ARMC8: variants seen among roughly 807,000 people sequenced by gnomAD.
ARMC8 encodes armadillo repeat containing 8.
In ARMC8, 20 loss-of-function variants were observed where a neutral mutation model predicts 99.3. That is an observed-to-expected ratio of 0.20 (90% CI 0.14 to 0.29). The LOEUF is 0.29. Among genes scored for constraint, ARMC8 ranks in the 10% least tolerant of loss-of-function variants. The pLI is 1.00. For synonymous variants in ARMC8, 263 were observed against 278.3 expected (o/e 0.95, Z 0.55); for missense variants, 569 against 809.5 (o/e 0.70, Z 3.60).
chr3:138,198,509 T>C (rs1200079412), intron 1 of ARMC8, among the ~76,000 whole-genome samples: 1 of 150,266 alleles, frequency 6.7e-6, no homozygotes, highest in Non-Finnish European at 1.5e-5. Flanking sequence ...ATTATTATTA[T>C]TATTATTATT....
chr3:138,230,228 T>G (rs1325680036), intron 6 of ARMC8, among the ~76,000 whole-genome samples: 1 of 152,196 alleles, frequency 6.6e-6, no homozygotes, highest in African/African-American at 2.4e-5. Context: ...AAATGACAGT[T>G]TTGTTGCAAC....
At chr3:138,246,863 A>G in intron 12 of ARMC8, 1 of 927,350 alleles carries the variant, frequency 1.1e-6, no homozygotes, top group Non-Finnish European at 1.3e-6. Context: ...ATGACAAATA[A>G]AGAAAAAGTT....
At chr3:138,195,833 CT>C (rs2107965476) in intron 1 of ARMC8, among the ~76,000 whole-genome samples, 1 of 151,436 alleles carries the variant, frequency 6.6e-6, no homozygotes, top group Admixed American at 6.6e-5. Flanking sequence ...AAATAGCCCC[CT>C]GCCCCACCAC....
At chr3:138,252,136 A>T (rs756710768) in intron 12 of ARMC8, among the ~76,000 whole-genome samples, 1 of 152,342 alleles carries the variant, frequency 6.6e-6, no homozygotes, top group East Asian at 1.9e-4. Context: ...ACCTGTGGGT[A>T]CTGTTACCTA....
intron 21 of ARMC8, 77 bp downstream of exon 21, chr3:138,290,716 T>C: frequency 4.4e-6 from 4 of 902,398 alleles, no homozygotes; most frequent in Non-Finnish European, 6.9e-6. Context: ...TGCTTGGTAA[T>C]TAATGGCCAT....
chr3:138,249,255 A>G, intron 12 of ARMC8, among the ~76,000 whole-genome samples: 1 of 152,116 alleles, frequency 6.6e-6, no homozygotes, highest in East Asian at 1.9e-4. Context: ...TAAAGACAGG[A>G]AATTTGAAAT....
intron 12 of ARMC8, among the ~76,000 whole-genome samples, chr3:138,247,511 T>C (rs554473434): frequency 9.2e-4 from 140 of 152,326 alleles, no homozygotes; most frequent in Non-Finnish European, 1.5e-3. Flanking sequence ...GTTCAGTTGG[T>C]CTGCCATTTA....
chr3:138,274,977 T>C (rs963851804), intron 18 of ARMC8, among the ~76,000 whole-genome samples: 1 of 152,220 alleles, frequency 6.6e-6, no homozygotes, highest in Non-Finnish European at 1.5e-5. Flanking sequence ...ATTTCTTTTC[T>C]CTTAGGCATC....
chr3:138,213,214 T>C (rs1001658132), intron 2 of ARMC8, among the ~76,000 whole-genome samples: 1 of 152,226 alleles, frequency 6.6e-6, no homozygotes, highest in Non-Finnish European at 1.5e-5. Context: ...ACTAGCTGAG[T>C]TAGAGCTATA....
At chr3:138,224,160 A>G (rs1172257910) in intron 5 of ARMC8, among the ~76,000 whole-genome samples, 1 of 151,066 alleles carries the variant, frequency 6.6e-6, no homozygotes, top group Admixed American at 6.6e-5. Context: ...GGGTTTCACC[A>G]TCTTGGCCAG....
At chr3:138,211,361 G>T (rs928221508) in intron 2 of ARMC8, among the ~76,000 whole-genome samples, 2 of 152,182 alleles carry the variant, frequency 1.3e-5, no homozygotes, top group Admixed American at 6.5e-5. Context: ...AAGCTGTTTA[G>T]TAATCAAGAA....
intron 2 of ARMC8, among the ~76,000 whole-genome samples, chr3:138,219,875 C>T (rs924400282): frequency 1.3e-5 from 2 of 151,958 alleles, no homozygotes; most frequent in African/African-American, 4.8e-5. Flanking sequence ...TTTGTTTGCT[C>T]TTGTCTGTAA....
rs372624345 is a variant in ARMC8 at position 138,274,468 on chromosome 3, G to A, written c.1649G>A (p.Ser550Asn). ...STRPHIDKIM[S>N]THGKQIMQAV... ...TTACAGCATATAGATAAAATAATGA[G>A]TACTCATGGAAAGCAAATTATGCAA... Residue 550 changes from serine (S) to asparagine (N), a missense_variant, in exon 18 of 22, where the codon AGT (serine) becomes AAT (asparagine). Physicochemically the swap from Ser to Asn is conservative, Grantham distance 46. Around this residue, in one of 2 missense-constraint regions of ARMC8, gnomAD observed 227 missense variants for 417.9 expected, o/e 0.54. Transcript: ENST00000469044. The A allele has an allele frequency of 3.4e-5, 54 of 1,606,000 alleles. No homozygotes were observed. Among genetic ancestry groups the A allele is most frequent in the Non-Finnish European group, 4.4e-5 (52 of 1,173,060 alleles).
intron 14 of ARMC8, among the ~76,000 whole-genome samples, chr3:138,265,412 CAACTT>C (rs889987489): frequency 6.6e-6 from 1 of 152,068 alleles, no homozygotes; most frequent in African/African-American, 2.4e-5. Flanking sequence ...TGCATTTAGT[CAACTT>C]AATTTTTTAG....
At position 138,237,584 on chromosome 3, in the gene ARMC8, G is replaced by A. The variant is rs184380560; in HGVS notation, c.776+12G>A. Reference sequence around the variant, plus strand: ...ACATCAGCAAAATGGTAAAAGTCAGGACAATGTGGGAAGAAAGACAGTGCT... The same window carrying A: ...ACATCAGCAAAATGGTAAAAGTCAGAACAATGTGGGAAGAAAGACAGTGCT... On this transcript the variant is annotated intron_variant, in intron 9 of 21. Transcript: ENST00000469044. 1.1e-4 allele frequency: 176 copies of A among 1,605,160 alleles called. 1 individual carries two copies. In the African/African-American group the frequency reaches 2.0e-3, roughly 19 times the overall value.
At position 138,222,040 on chromosome 3, in the gene ARMC8, T is replaced by G. The variant is rs757990488; in HGVS notation, c.194+43T>G. ...CCCCTTTCTTGCCATTCATACTAGT[T>G]TCTAATGTATTTCTTACTCTCAATT... is the stretch of plus-strand genomic sequence containing the variant. On this transcript the variant is annotated intron_variant, in intron 3 of 21. Coordinates refer to ENST00000469044, the MANE Select transcript of ARMC8 (RefSeq NM_001363941.2). 14 of 1,456,298 alleles carry G rather than the reference T, an allele frequency of 9.6e-6. No homozygotes were observed. In the South Asian group the frequency reaches 1.5e-4, roughly 16 times the overall value. The allele number at this position is 1,456,298 out of a possible 1,614,324, so 90.2% of individuals were successfully genotyped here. A position where few individuals can be genotyped will look rare whatever the true frequency, so the allele number is the denominator to read the frequency against.
chr3:138,196,866 T>A (rs747536333), intron 1 of ARMC8, among the ~76,000 whole-genome samples: 2 of 152,148 alleles, frequency 1.3e-5, no homozygotes, highest in Non-Finnish European at 2.9e-5. Context: ...AAACTCCGTC[T>A]CAAAAAAAAT....
At chr3:138,191,813 T>TCC (rs1260656619) in intron 1 of ARMC8, among the ~76,000 whole-genome samples, 2 of 152,370 alleles carry the variant, frequency 1.3e-5, no homozygotes, top group African/African-American at 4.8e-5. Flanking sequence ...TTGAGATCTA[T>TCC]CCATATTGTT....
intron 5 of ARMC8, among the ~76,000 whole-genome samples, chr3:138,224,664 T>C (rs2045589279): frequency 6.6e-6 from 1 of 152,102 alleles, no homozygotes; most frequent in Non-Finnish European, 1.5e-5. Flanking sequence ...GCCATGAAAA[T>C]CACTTGAACC....
Sources: allele counts gnomAD v4.1 joint callset (sites outside exome capture counted in the v4.1 genomes callset), GRCh38; gene constraint gnomAD v4.1.1; regional missense constraint gnomAD v4.1.1; transcripts MANE v1.5; gene names NCBI Gene and HGNC (gene_info 2026-07-23, HGNC 2026-07-21).